Variants in GRM7 observed in about 807,000 individuals in gnomAD.
GRM7 encodes glutamate metabotropic receptor 7.
In GRM7, 35 loss-of-function variants were observed where a neutral mutation model predicts 84.5. The ratio of observed to expected loss-of-function variants is 0.41; its 90% CI spans 0.32 to 0.55. The LOEUF (loss-of-function observed/expected upper bound fraction) is 0.55, where lower values mean the gene tolerates loss of function less well. Among genes scored for constraint, GRM7 ranks in the 20% least tolerant of loss-of-function variants. The pLI is 0.19. For missense variants in GRM7, 1,003 were observed against 1,194.6 expected, an observed-to-expected ratio of 0.84 and a Z score of 2.36; for synonymous variants, 487 against 455.1, an observed-to-expected ratio of 1.07 and a Z score of -0.89.
Position 6,890,313 on chromosome 3 carries a change from A to G in GRM7, c.519+28406A>G, listed in dbSNP as rs139965454. ...TGCTCTTGCTTTTCTAGTTCTTGTA[A>G]TTGTGATGTTAGGGTGTCAATTTTG... is the stretch of plus-strand genomic sequence containing the variant. On this transcript the variant is annotated intron_variant, in intron 1 of 9. Coordinates refer to ENST00000357716, the MANE Select transcript of GRM7 (RefSeq NM_000844.4). Among the ~76,000 whole-genome samples the G allele has an allele frequency of 4.6e-5, 7 of 152,022 alleles. No homozygotes were observed. In the East Asian group the frequency reaches 1.4e-3, roughly 29 times the overall value.
intron 1 of GRM7, among the ~76,000 whole-genome samples, chr3:6,938,558 A>C (rs1427871826): frequency 6.6e-6 from 1 of 152,238 alleles, no homozygotes; most frequent in Non-Finnish European, 1.5e-5. Context: ...GGGATTTAAA[A>C]ATAATAAGAC....
chr3:6,991,519 G>A (rs1215820764), intron 1 of GRM7, among the ~76,000 whole-genome samples: 6 of 152,150 alleles, frequency 3.9e-5, no homozygotes, highest in African/African-American at 1.4e-4. Flanking sequence ...CTGAAATACA[G>A]CTAAAGTTAA....
intron 9 of GRM7, among the ~76,000 whole-genome samples, chr3:7,698,243 G>T (rs1054645992): frequency 3.9e-5 from 6 of 152,182 alleles, no homozygotes; most frequent in African/African-American, 1.4e-4. Flanking sequence ...AGTGTTCTGG[G>T]CAGAGGGATC....
At chr3:6,947,910 T>C (rs1698151567) in intron 1 of GRM7, among the ~76,000 whole-genome samples, 1 of 152,230 alleles carries the variant, frequency 6.6e-6, no homozygotes, top group African/African-American at 2.4e-5. Context: ...ATCCCCTTTA[T>C]CATTTTTTAT....
intron 8 of GRM7, among the ~76,000 whole-genome samples, chr3:7,647,035 C>G (rs548207379): frequency 1.3e-5 from 2 of 152,248 alleles, no homozygotes; most frequent in South Asian, 4.2e-4. Flanking sequence ...TAATAATGTT[C>G]CCTTGGCATT....
intron 1 of GRM7, among the ~76,000 whole-genome samples, chr3:7,079,357 A>C (rs539661799): frequency 6.6e-6 from 1 of 152,240 alleles, no homozygotes; most frequent in East Asian, 1.9e-4. Context: ...GAGGACAGAC[A>C]ATAAAGGTCA....
intron 4 of GRM7, among the ~76,000 whole-genome samples, chr3:7,365,332 C>T (rs1693830849): frequency 6.6e-6 from 1 of 151,586 alleles, no homozygotes. Flanking sequence ...TGTTAACTCA[C>T]ACTCTTCTCT....
At chr3:7,452,926 A>G (rs1575357908) in intron 6 of GRM7, 119 bp downstream of exon 6, 1 of 653,016 alleles carries the variant, frequency 1.5e-6, no homozygotes, top group South Asian at 2.0e-5. Context: ...TTGATTATAA[A>G]ACTTTAAATG....
At chr3:7,156,168 A>C (rs1694442469) in intron 2 of GRM7, among the ~76,000 whole-genome samples, 1 of 152,198 alleles carries the variant, frequency 6.6e-6, no homozygotes, top group African/African-American at 2.4e-5. Flanking sequence ...ACTAAGTATT[A>C]GTCATGAAAC....
At chr3:7,141,796 T>C (rs1445520826) in intron 1 of GRM7, among the ~76,000 whole-genome samples, 2 of 152,056 alleles carry the variant, frequency 1.3e-5, no homozygotes, top group African/African-American at 4.8e-5. Flanking sequence ...GAATTTAATA[T>C]AGAACAAAAG....
In GRM7 at chr3:7,633,716, A is replaced by T. The variant is rs573663189; in HGVS notation, c.2452-46333A>T. On this transcript the variant is annotated intron_variant, in intron 8 of 9. Transcript: ENST00000357716. ...TAGAAGATAATAACAAAAATTTCCA[A>T]AGTGATCATTGATGTTCCTTCCCCG... Among the ~76,000 whole-genome samples, 4 of 152,112 alleles carry T rather than the reference A, an allele frequency of 2.6e-5. No individual in the cohort carries two copies. The South Asian group carries it at 8.3e-4, about 32-fold the overall frequency.
intron 4 of GRM7, among the ~76,000 whole-genome samples, chr3:7,361,696 T>A (rs1344426825): frequency 6.6e-6 from 1 of 152,110 alleles, no homozygotes; most frequent in Non-Finnish European, 1.5e-5. Context: ...AGAAAATGAA[T>A]TATATAGAAA....
At chr3:6,896,874 T>C (rs75697248) in intron 1 of GRM7, among the ~76,000 whole-genome samples, 2,484 of 152,294 alleles carry the variant, frequency 0.016, 85 homozygotes, top group African/African-American at 0.055. Context: ...AGAATTTATT[T>C]CGTCTTCAAC....
intron 4 of GRM7, among the ~76,000 whole-genome samples, chr3:7,383,166 A>G (rs943032968): frequency 6.6e-6 from 1 of 152,176 alleles, no homozygotes; most frequent in African/African-American, 2.4e-5. Flanking sequence ...CTTCTTTTTC[A>G]TAGGTTCTCA....
chr3:7,639,619 T>C (rs932314781), intron 8 of GRM7, among the ~76,000 whole-genome samples: 7 of 152,170 alleles, frequency 4.6e-5, no homozygotes, highest in Admixed American at 3.9e-4. Context: ...TCTCCTTCCT[T>C]TAAACTCCTA....
At chr3:7,175,824 C>G (rs772845961) in intron 2 of GRM7, among the ~76,000 whole-genome samples, 2 of 152,100 alleles carry the variant, frequency 1.3e-5, no homozygotes, top group Non-Finnish European at 2.9e-5. Flanking sequence ...AGGTGTGAGC[C>G]GCTGCACCCA....
intron 5 of GRM7, among the ~76,000 whole-genome samples, chr3:7,449,845 A>G (rs1021951510): frequency 2.0e-4 from 30 of 152,182 alleles, no homozygotes; most frequent in African/African-American, 6.5e-4. Flanking sequence ...AAAAAATTAT[A>G]GAGTACTAAG....
chr3:7,690,240 G>A (rs372346319), intron 9 of GRM7, among the ~76,000 whole-genome samples: 2 of 152,090 alleles, frequency 1.3e-5, no homozygotes, highest in Non-Finnish European at 2.9e-5. Flanking sequence ...CTTCGTCTTT[G>A]TGCCTTTAAG....
chr3:7,452,539 C>T (rs1697814656), intron 5 of GRM7, 68 bp from the exon 6 acceptor site: 1 of 1,042,256 alleles, frequency 9.6e-7, no homozygotes, highest in Admixed American at 1.8e-5. Context: ...TAAATTTGGA[C>T]ATTCTACTCA....
Sources: gnomAD v4.1 joint callset for allele counts (sites outside exome capture counted in the v4.1 genomes callset) on GRCh38, gnomAD v4.1.1 for gene constraint, MANE v1.5 for transcripts, NCBI Gene and HGNC (gene_info 2026-07-23, HGNC 2026-07-21) for gene names.